The following LSMEM2 variants were observed in gnomAD, a reference collection of about 807,000 sequenced individuals.
LSMEM2 encodes the protein leucine-rich single-pass membrane protein 2.
LSMEM2 carries 20 observed loss-of-function variants against 17.3 expected under a neutral mutation model. The observed-to-expected ratio is 1.16, with a 90% CI of 0.81 to 1.68. The LOEUF is 1.68. Among genes scored for constraint, LSMEM2 ranks in the 40% most tolerant of loss-of-function variants. The pLI is 0.00. For synonymous variants in LSMEM2, 94 were observed against 97.8 expected (o/e 0.96, Z 0.23); for missense variants, 207 against 214.3 (o/e 0.97, Z 0.21).
intron 1 of LSMEM2, 123 bp from the exon 2 acceptor site, chr3:50,286,348 G>C (rs782813512): frequency 2.7e-5 from 38 of 1,393,646 alleles, no homozygotes; most frequent in Non-Finnish European, 3.6e-5. Flanking sequence ...TCAGTTTTAG[G>C]GGATTTGGAA....
chr3:50,281,359 C>CAGGGAATTTTT (rs1553707751), intron 1 of LSMEM2, among the ~76,000 whole-genome samples: 1 of 116,888 alleles, frequency 8.6e-6, no homozygotes, highest in Non-Finnish European at 1.8e-5. Flanking sequence ...TGCGCCCGGC[C>CAGGGAATTTTT]CTTTTTTTTT....
intron 1 of LSMEM2, among the ~76,000 whole-genome samples, chr3:50,280,751 G>C (rs772817319): frequency 2.0e-5 from 3 of 151,658 alleles, no homozygotes; most frequent in Non-Finnish European, 4.4e-5. Context: ...CCGCCACTAC[G>C]CCTGGCTAAT....
chr3:50,280,302 G>GCC (rs1701363115), intron 1 of LSMEM2, among the ~76,000 whole-genome samples: 1 of 150,282 alleles, frequency 6.7e-6, no homozygotes, highest in Non-Finnish European at 1.5e-5. Context: ...TTACAGGCAT[G>GCC]TGCTACCATG....
intron 1 of LSMEM2, 94 bp downstream of exon 1, chr3:50,279,265 G>A: frequency 8.7e-7 from 1 of 1,145,868 alleles, no homozygotes; most frequent in Admixed American, 1.9e-5. Flanking sequence ...TGACCTCACT[G>A]TCTTGAGTAG....
chr3:50,279,478 C>T (rs368820872), intron 1 of LSMEM2, among the ~76,000 whole-genome samples: 3 of 152,274 alleles, frequency 2.0e-5, no homozygotes, highest in Admixed American at 1.3e-4. Context: ...TGTGGGCATC[C>T]GGTCAGCTGC....
chr3:50,285,708 A>G (rs1553708304), intron 1 of LSMEM2, among the ~76,000 whole-genome samples: 2 of 152,256 alleles, frequency 1.3e-5, no homozygotes, highest in African/African-American at 4.8e-5. Context: ...GAATTAAACT[A>G]TCAGGAAATT....
rs781870550 is a variant in LSMEM2 at position 50,279,120 on chromosome 3, T to C, written c.7T>C (p.Ser3Pro). 1 of 1,614,140 alleles carries C rather than the reference T, an allele frequency of 6.2e-7. No individual in the cohort carries two copies. The highest frequency in any genetic ancestry group is 8.5e-7 in the Non-Finnish European group (1 of 1,179,998). ...TGTCCAGTCCTGCTACTGGATGCCA[T>C]CATTGGCCCCCGACTGCCCACTGCT... MPSLAPDCPLLAM... is the reference protein window; with the variant it reads MPPLAPDCPLLAM... The change falls in exon 1 of 4, where the codon TCA becomes CCA. Residue 3 changes from serine (S) to proline (P), a missense_variant. Physicochemically the swap from Ser to Pro is moderately conservative, Grantham distance 74. Transcript: ENST00000316436.
At chr3:50,279,962 G>A (rs1406199647) in intron 1 of LSMEM2, among the ~76,000 whole-genome samples, 4 of 150,354 alleles carry the variant, frequency 2.7e-5, no homozygotes, top group South Asian at 2.1e-4. Context: ...TGCAACCTCC[G>A]CCTCCCAGAT....
intron 1 of LSMEM2, among the ~76,000 whole-genome samples, chr3:50,281,378 T>C (rs1454963397): frequency 1.6e-4 from 22 of 134,002 alleles, no homozygotes; most frequent in South Asian, 4.8e-4. Flanking sequence ...TTTTTTTTTT[T>C]CTGAGACGGA....
intron 1 of LSMEM2, among the ~76,000 whole-genome samples, chr3:50,281,938 G>A (rs1028803550): frequency 4.3e-4 from 65 of 152,016 alleles, no homozygotes; most frequent in African/African-American, 1.5e-3. Context: ...TGCAAGCTCC[G>A]CCTCCTGGGT....
chr3:50,286,772 CCT>C lies in LSMEM2; in HGVS notation c.272_273del (p.Pro91ArgfsTer34). On this transcript the variant is annotated frameshift_variant, in exon 3 of 4. Transcript: ENST00000316436. LOFTEE classifies it high-confidence loss of function. Reference sequence around the variant, plus strand: ...ACTGTGTGCCCAGGCTGGCTGCAGCCCTGTGTACAGACGAGGAGGGTTCCTGC... The same window carrying C: ...ACTGTGTGCCCAGGCTGGCTGCAGCCGTGTACAGACGAGGAGGGTTCCTGC... ...PSLCAQAGCS[P>X]VYRRGGFLLL... 1 of 1,614,208 alleles carries C rather than the reference CCT, an allele frequency of 6.2e-7. No individual in the cohort carries two copies. Among genetic ancestry groups the C allele is most frequent in the Non-Finnish European group, 8.5e-7 (1 of 1,180,042 alleles).
intron 1 of LSMEM2, among the ~76,000 whole-genome samples, chr3:50,281,557 G>T (rs1411494425): frequency 6.6e-6 from 1 of 151,150 alleles, no homozygotes; most frequent in Non-Finnish European, 1.5e-5. Flanking sequence ...TAGAGACGGG[G>T]TTTCACCATA....
At chr3:50,280,804 G>A (rs1482502198) in intron 1 of LSMEM2, among the ~76,000 whole-genome samples, 2 of 151,238 alleles carry the variant, frequency 1.3e-5, no homozygotes, top group African/African-American at 2.4e-5. Context: ...TGTGTTAGCC[G>A]GCATGGTCTC....
At position 50,287,369 on chromosome 3, in the gene LSMEM2, A is replaced by C. The variant is rs1362665120; in HGVS notation, c.*167A>C. ...ACTTAATGGCTGCCTCCCTCTCCTG[A>C]TCTCTTCAAGCCAGGCCTAGCCAAG... is the stretch of plus-strand genomic sequence containing the variant. On this transcript the variant is annotated 3_prime_UTR_variant, in exon 4 of 4. Coordinates refer to ENST00000316436, the MANE Select transcript of LSMEM2 (RefSeq NM_153215.3). 1 of 955,798 alleles carries C rather than the reference A, an allele frequency of 1.0e-6. No homozygotes were observed. The highest frequency in any genetic ancestry group is 2.3e-5 in the Admixed American group (1 of 43,564). 59.2% of individuals were successfully genotyped at this position (955,798 alleles called of 1,614,324 possible).
chr3:50,283,209 C>T (rs1042644236), intron 1 of LSMEM2, among the ~76,000 whole-genome samples: 5 of 149,772 alleles, frequency 3.3e-5, no homozygotes, highest in South Asian at 2.1e-4. Flanking sequence ...AACGAAACAC[C>T]GGCTGGGTGC....
intron 1 of LSMEM2, among the ~76,000 whole-genome samples, chr3:50,285,664 T>C (rs1427787624): frequency 6.6e-6 from 1 of 151,992 alleles, no homozygotes; most frequent in African/African-American, 2.4e-5. Flanking sequence ...CAAACAAAAA[T>C]CCCTGCTCTT....
chr3:50,285,691 C>CT (rs1265459351), intron 1 of LSMEM2, among the ~76,000 whole-genome samples: 1 of 152,226 alleles, frequency 6.6e-6, no homozygotes, highest in Admixed American at 6.5e-5. Context: ...AGTAATTCCA[C>CT]TTCTGGGAAT....
At chr3:50,284,270 A>G (rs1257564580) in intron 1 of LSMEM2, among the ~76,000 whole-genome samples, 1 of 151,886 alleles carries the variant, frequency 6.6e-6, no homozygotes, top group Non-Finnish European at 1.5e-5. Context: ...AAGAAACCCA[A>G]TAAAATAAGA....
upstream of LSMEM2, among the ~76,000 whole-genome samples, chr3:50,278,403 C>T (rs1037802982): frequency 1.3e-5 from 2 of 152,192 alleles, no homozygotes; most frequent in Non-Finnish European, 2.9e-5. Context: ...GTGCTAAATG[C>T]TCCAGATGTT....
Sources: gnomAD v4.1 joint callset for allele counts (sites outside exome capture counted in the v4.1 genomes callset) on GRCh38, gnomAD v4.1.1 for gene constraint, MANE v1.5 for transcripts, NCBI Gene and HGNC (gene_info 2026-07-23, HGNC 2026-07-21) for gene names.